Variants in UBL3 observed in about 807,000 individuals in gnomAD.
UBL3 encodes ubiquitin like 3.
A neutral mutation model predicts 18.4 loss-of-function variants in UBL3; 6 were observed. The observed-to-expected ratio is 0.33, with a 90% CI of 0.18 to 0.64. UBL3 has a LOEUF of 0.64. Ranked by LOEUF, UBL3 falls within the 30% of genes least tolerant of loss-of-function variation. The pLI, the probability that UBL3 is intolerant of heterozygous loss-of-function variation, is 0.76. For missense variants in UBL3, 109 were observed against 142.9 expected, an observed-to-expected ratio of 0.76 and a Z score of 1.21; for synonymous variants, 49 against 46.6, an observed-to-expected ratio of 1.05 and a Z score of -0.21.
At chr13:29,814,715 C>T (rs901340467) in intron 1 of UBL3, among the ~76,000 whole-genome samples, 1 of 152,104 alleles carries the variant, frequency 6.6e-6, no homozygotes, top group African/African-American at 2.4e-5. Flanking sequence ...GGGCTGCTGT[C>T]CAGAAATACA....
intron 1 of UBL3, among the ~76,000 whole-genome samples, chr13:29,781,217 A>G (rs1877166868): frequency 6.6e-6 from 1 of 151,960 alleles, no homozygotes; most frequent in Non-Finnish European, 1.5e-5. Context: ...ACAGTTTAAA[A>G]CCCTAAAATA....
intron 1 of UBL3, among the ~76,000 whole-genome samples, chr13:29,839,722 T>C (rs1160556348): frequency 6.6e-6 from 1 of 152,026 alleles, no homozygotes; most frequent in Non-Finnish European, 1.5e-5. Flanking sequence ...GGTCAGGAGA[T>C]TGAGACCACC....
chr13:29,823,481 T>C (rs1340479823), intron 1 of UBL3, among the ~76,000 whole-genome samples: 1 of 152,106 alleles, frequency 6.6e-6, no homozygotes, highest in South Asian at 2.1e-4. Context: ...TAAAAATAAA[T>C]ACAGTATGGC....
At chr13:29,794,883 T>C (rs1471590528) in intron 1 of UBL3, among the ~76,000 whole-genome samples, 3 of 152,266 alleles carry the variant, frequency 2.0e-5, no homozygotes, top group South Asian at 2.1e-4. Flanking sequence ...AAATTGGCTA[T>C]GCATTTGAGT....
At chr13:29,777,697 A>G (rs902253669) in intron 1 of UBL3, among the ~76,000 whole-genome samples, 10 of 152,230 alleles carry the variant, frequency 6.6e-5, no homozygotes, top group South Asian at 2.1e-4. Context: ...AAATATAATT[A>G]AAAGAAAATA....
chr13:29,831,265 C>T (rs1878762875), intron 1 of UBL3, among the ~76,000 whole-genome samples: 3 of 152,086 alleles, frequency 2.0e-5, no homozygotes, highest in Admixed American at 6.5e-5. Flanking sequence ...TAAAATGACT[C>T]ACAGATTCCT....
chr13:29,792,902 C>A (rs553851313), intron 1 of UBL3, among the ~76,000 whole-genome samples: 1 of 152,268 alleles, frequency 6.6e-6, no homozygotes, highest in East Asian at 1.9e-4. Flanking sequence ...GCACAAAATT[C>A]TGCATCTGTG....
At chr13:29,799,122 G>C (rs1380904215) in intron 1 of UBL3, among the ~76,000 whole-genome samples, 1 of 152,146 alleles carries the variant, frequency 6.6e-6, no homozygotes, top group Non-Finnish European at 1.5e-5. Context: ...AGTGGGGGGA[G>C]CTGTTTTGTG....
At chr13:29,815,213 C>T (rs566557993) in intron 1 of UBL3, among the ~76,000 whole-genome samples, 1 of 152,182 alleles carries the variant, frequency 6.6e-6, no homozygotes. Context: ...TACAGATTTA[C>T]AAGGGTCTGA....
In UBL3 at chr13:29,766,277, A is replaced by C. The variant is rs752967492; in HGVS notation, c.*978T>G. ...ACTAATATCAAACGCAAACTATATAAAGAAACAAAATTAGTACTATGGAGT... is the reference window on the plus strand; with the variant it reads ...ACTAATATCAAACGCAAACTATATACAGAAACAAAATTAGTACTATGGAGT... On this transcript the variant is annotated 3_prime_UTR_variant, in exon 5 of 5. Coordinates refer to ENST00000380680, the MANE Select transcript of UBL3 (RefSeq NM_007106.4). 2.0e-5 allele frequency: 3 copies of C among 152,592 alleles called. No individual in the cohort carries two copies. The highest frequency in any genetic ancestry group is 4.4e-5 in the Non-Finnish European group (3 of 68,008). 9.5% of individuals were successfully genotyped at this position (152,592 alleles called of 1,614,324 possible). A position where few individuals can be genotyped will look rare whatever the true frequency, so the allele number is the denominator to read the frequency against.
At chr13:29,810,497 A>C (rs1878036263) in intron 1 of UBL3, among the ~76,000 whole-genome samples, 1 of 152,076 alleles carries the variant, frequency 6.6e-6, no homozygotes, top group Admixed American at 6.6e-5. Context: ...CAAAAGAAGA[A>C]AGTGTTTAAA....
chr13:29,814,161 T>C (rs1337484643), intron 1 of UBL3, among the ~76,000 whole-genome samples: 1 of 152,116 alleles, frequency 6.6e-6, no homozygotes, highest in Admixed American at 6.6e-5. Context: ...GTTATTTTGC[T>C]GTAGATTTTG....
chr13:29,834,476 AC>A (rs1203587050), intron 1 of UBL3, among the ~76,000 whole-genome samples: 1 of 152,158 alleles, frequency 6.6e-6, no homozygotes, highest in African/African-American at 2.4e-5. Flanking sequence ...ATTGATAGCC[AC>A]ATAGCAAATC....
rs989340940 is a variant in UBL3, at chr13:29,799,165, C to G, written c.28-21902G>C. On this transcript the variant is annotated intron_variant, in intron 1 of 4. Transcript: ENST00000380680. ...GGAGGTATAATATCATCTCTTGCTT[C>G]TATCCACTAGATATCAGTGGCATTC... Among the ~76,000 whole-genome samples, 6 of 152,202 alleles carry G rather than the reference C, an allele frequency of 3.9e-5. No individual in the cohort carries two copies. The East Asian group carries it at 1.2e-3, about 29-fold the overall frequency.
intron 1 of UBL3, among the ~76,000 whole-genome samples, chr13:29,835,151 T>TATATATATATATAA (rs1878920665): frequency 1.2e-4 from 3 of 25,228 alleles, no homozygotes; most frequent in Non-Finnish European, 2.2e-4. Flanking sequence ...TATATATATA[T>TATATATATATATAA]ATATATATAT....
chr13:29,843,081 A>G (rs71434763), intron 1 of UBL3, among the ~76,000 whole-genome samples: 6,914 of 152,284 alleles, frequency 0.045, 225 homozygotes, highest in Middle Eastern at 0.092. Flanking sequence ...AAGGCAGGAG[A>G]CAGAAAACTT....
intron 1 of UBL3, among the ~76,000 whole-genome samples, chr13:29,797,425 C>A (rs1455867812): frequency 6.6e-6 from 1 of 152,244 alleles, no homozygotes; most frequent in Middle Eastern, 3.4e-3. Context: ...TCTGGTGAAT[C>A]CCCCTAATCC....
intron 1 of UBL3, among the ~76,000 whole-genome samples, chr13:29,844,971 ATAGT>A (rs1406094500): frequency 1.3e-5 from 2 of 152,138 alleles, no homozygotes; most frequent in Non-Finnish European, 2.9e-5. Context: ...GAAGACAGTA[ATAGT>A]TTGTGAGTCA....
intron 1 of UBL3, among the ~76,000 whole-genome samples, chr13:29,824,077 T>C (rs1878552292): frequency 6.6e-6 from 1 of 152,226 alleles, no homozygotes; most frequent in African/African-American, 2.4e-5. Flanking sequence ...ATGGTGTATA[T>C]GTGCCACACT....
Sources: allele counts gnomAD v4.1 joint callset (sites outside exome capture counted in the v4.1 genomes callset), GRCh38; gene constraint gnomAD v4.1.1; transcripts MANE v1.5; gene names NCBI Gene and HGNC (gene_info 2026-07-23, HGNC 2026-07-21).